Variants in SLC8B1 observed in about 807,000 individuals in gnomAD.
The protein encoded by SLC8B1 is solute carrier family 8 member B1.
SLC8B1 carries 52 observed loss-of-function variants against 63.4 expected under a neutral mutation model. The observed-to-expected ratio is 0.82, with a 90% CI of 0.66 to 1.03. The LOEUF (loss-of-function observed/expected upper bound fraction) is 1.03, where lower values mean the gene tolerates loss of function less well. Ranked by LOEUF, SLC8B1 falls within the 50% of genes least tolerant of loss-of-function variation. SLC8B1 has a pLI of 0.00. For synonymous variants in SLC8B1, 336 were observed against 323.9 expected, an observed-to-expected ratio of 1.04 and a Z score of -0.40; for missense variants, 657 against 741.7, an observed-to-expected ratio of 0.89 and a Z score of 1.33.
intron 8 of SLC8B1, among the ~76,000 whole-genome samples, chr12:113,317,892 TGTG>T (rs1217520526): frequency 1.3e-5 from 2 of 152,214 alleles, no homozygotes; most frequent in Non-Finnish European, 2.9e-5. Context: ...TTGATGTTTT[TGTG>T]TTGTGTATGG....
chr12:113,317,432 C>T (rs182086862), intron 8 of SLC8B1, among the ~76,000 whole-genome samples: 18 of 152,292 alleles, frequency 1.2e-4, no homozygotes, highest in African/African-American at 3.8e-4. Context: ...AGTCTGCATG[C>T]GTGCTCAGGG....
chr12:113,315,592 G>T, intron 10 of SLC8B1, 116 bp from the exon 11 acceptor site: 1 of 1,287,536 alleles, frequency 7.8e-7, no homozygotes, highest in Non-Finnish European at 1.0e-6. Flanking sequence ...CACTGACTGT[G>T]TGCGGGTTCC....
chr12:113,316,951 A>G lies in SLC8B1; in HGVS notation c.853T>C (p.Tyr285His). The change falls in exon 9 of 16, where the codon TAT becomes CAT. Residue 285 changes from tyrosine (Y) to histidine (H), a missense_variant. By Grantham distance (83) the Tyr-to-His change is moderately conservative. Transcript: ENST00000680972. ...CAGGGCACGGACTCACCGTAGTCAT[A>G]GCTGTTGGTATTAGAAGATACCCGG... Reference protein sequence around the residue: ...EDRVSSNTNSYDYGDEYRPLF... With the variant: ...EDRVSSNTNSHDYGDEYRPLF... 1 of 1,613,600 alleles carries G rather than the reference A, an allele frequency of 6.2e-7. No homozygotes were observed.
At chr12:113,333,797 C>T (rs1265065508) in intron 1 of SLC8B1, among the ~76,000 whole-genome samples, 1 of 152,230 alleles carries the variant, frequency 6.6e-6, no homozygotes, top group Non-Finnish European at 1.5e-5. Flanking sequence ...CAACCTCTGC[C>T]TCCCGGGTTC....
At position 113,305,649 on chromosome 12, in the gene SLC8B1, G is replaced by C. The variant is rs1429108936; in HGVS notation, c.1492+846C>G. On this transcript the variant is annotated intron_variant, in intron 14 of 15. Coordinates refer to ENST00000680972, the MANE Select transcript of SLC8B1 (RefSeq NM_001358345.2). The surrounding 1 kb of genome is among the most constrained non-coding windows in gnomAD (Gnocchi z 4.3). ...CCCACTAACTGCTTTTATAAATAAAGTTTTATTGGAACAGAGCCATGGCCA... is the reference window on the plus strand; with the variant it reads ...CCCACTAACTGCTTTTATAAATAAACTTTTATTGGAACAGAGCCATGGCCA... 6.6e-6 allele frequency among the ~76,000 whole-genome samples: 1 copy of C among 152,214 alleles called. No individual in the cohort carries two copies. Among genetic ancestry groups the C allele is most frequent in the African/African-American group, 2.4e-5 (1 of 41,464 alleles).
intron 13 of SLC8B1, 30 bp from the exon 14 acceptor site, chr12:113,306,605 G>A (rs1470167769): frequency 1.3e-6 from 2 of 1,595,122 alleles, no homozygotes; most frequent in Non-Finnish European, 1.7e-6. Flanking sequence ...GCCTGCAGTG[G>A]TGAGTCGCTT....
intron 11 of SLC8B1, 120 bp from the exon 12 acceptor site, chr12:113,310,475 T>C: frequency 1.5e-6 from 2 of 1,319,152 alleles, no homozygotes; most frequent in Non-Finnish European, 1.0e-6. Flanking sequence ...AGACACTTCA[T>C]GGGGGCAGAA....
chr12:113,334,344 G>C (rs1417588861), intron 1 of SLC8B1, 99 bp downstream of exon 1: 1 of 152,100 alleles, frequency 6.6e-6, no homozygotes, highest in African/African-American at 2.4e-5. Context: ...TTAAGTCTGC[G>C]CAGGTGTTTC....
rs1160476406 is a variant in SLC8B1 at position 113,334,799 on chromosome 12, G to C, written c.-439C>G. ...AGCATTTATTGAGCGCCTTCTGTAC[G>C]CGTGGGCCGATGCCCAGCGCTCGGA... On this transcript the variant is annotated 5_prime_UTR_variant, in exon 1 of 16. Transcript: ENST00000680972. 1.3e-5 allele frequency: 2 copies of C among 152,224 alleles called. No homozygotes were observed. The highest frequency in any genetic ancestry group is 2.9e-5 in the Non-Finnish European group (2 of 68,048). The allele number at this position is 152,224 out of a possible 1,614,324, so 9.4% of individuals were successfully genotyped here.
At chr12:113,309,889 T>C (rs1314237293) in intron 12 of SLC8B1, among the ~76,000 whole-genome samples, 1 of 152,098 alleles carries the variant, frequency 6.6e-6, no homozygotes, top group Admixed American at 6.5e-5. Context: ...GAGTGACTTA[T>C]GGGCATGAGG....
At chr12:113,318,936 C>T in intron 8 of SLC8B1, 28 bp downstream of exon 8, 1 of 1,587,468 alleles carries the variant, frequency 6.3e-7, no homozygotes, top group Non-Finnish European at 8.6e-7. Flanking sequence ...CCCACTGGTC[C>T]TCTCTGGGGT....
intron 10 of SLC8B1, among the ~76,000 whole-genome samples, chr12:113,316,149 G>A (rs546368157): frequency 4.0e-4 from 61 of 152,138 alleles, no homozygotes; most frequent in African/African-American, 1.3e-3. Context: ...GCGTGAACCC[G>A]GGAGGTGGAG....
At chr12:113,302,945 T>C (rs1286720312) in intron 15 of SLC8B1, among the ~76,000 whole-genome samples, 1 of 152,146 alleles carries the variant, frequency 6.6e-6, no homozygotes, top group Non-Finnish European at 1.5e-5. Flanking sequence ...TCCATGTTGA[T>C]GTCTCATGCC....
At chr12:113,318,114 GTGT>G (rs1956862840) in intron 8 of SLC8B1, among the ~76,000 whole-genome samples, 1 of 152,146 alleles carries the variant, frequency 6.6e-6, no homozygotes, top group South Asian at 2.1e-4. Flanking sequence ...TTGTATAAGT[GTGT>G]TGTGTATCTG....
At chr12:113,333,670 C>T (rs944437325) in intron 1 of SLC8B1, among the ~76,000 whole-genome samples, 19 of 151,820 alleles carry the variant, frequency 1.3e-4, no homozygotes, top group African/African-American at 4.6e-4. Context: ...CCCACCCCAC[C>T]CTGCACAGCA....
At chr12:113,302,644 G>A (rs1956605273) in intron 15 of SLC8B1, 1 of 455,964 alleles carries the variant, frequency 2.2e-6, no homozygotes, top group African/African-American at 2.0e-5. Flanking sequence ...GGTACCGTGT[G>A]GGCTGTTTCT....
Position 113,316,659 on chromosome 12 carries a change from G to A in SLC8B1, c.863-3C>T, listed in dbSNP as rs1187487704. The A allele has an allele frequency of 1.2e-6, 2 of 1,612,916 alleles. No homozygotes were observed. The highest frequency in any genetic ancestry group is 1.3e-5 in the African/African-American group (1 of 74,902). On this transcript the variant is annotated splice_region_variant and splice_polypyrimidine_tract_variant and intron_variant, in intron 9 of 15. Transcript: ENST00000680972. ...GAACAGCGGCCGGTACTCATCACCTGTGTGCAGGGGTCGGGTGGTGAGGTG... is the reference window on the plus strand; with the variant it reads ...GAACAGCGGCCGGTACTCATCACCTATGTGCAGGGGTCGGGTGGTGAGGTG...
Position 113,320,170 on chromosome 12 carries a change from G to C in SLC8B1, c.694+161C>G. ...GCCTCTTTGGTTATGTGACCCACAT[G>C]TTCCCATTTTTGCTCAAGCCAGCTT... On this transcript the variant is annotated intron_variant, in intron 7 of 15. Transcript: ENST00000680972. This position sits in a 1 kb window ranked among gnomAD's most constrained non-coding sequence, Gnocchi z 5.3. 8.6e-6 allele frequency: 7 copies of C among 811,290 alleles called. No individual in the cohort carries two copies. The highest frequency in any genetic ancestry group is 1.4e-5 in the Non-Finnish European group (7 of 517,306). The allele number at this position is 811,290 out of a possible 1,614,324, so 50.3% of individuals were successfully genotyped here.
intron 8 of SLC8B1, among the ~76,000 whole-genome samples, chr12:113,318,394 ATT>A (rs1242723636): frequency 6.0e-5 from 9 of 150,272 alleles, no homozygotes; most frequent in South Asian, 2.1e-4. Context: ...GTGTGCATGT[ATT>A]TGTGTGTGTG....
Sources: gnomAD v4.1 joint callset for allele counts (sites outside exome capture counted in the v4.1 genomes callset) on GRCh38, gnomAD v4.1.1 for gene constraint, Gnocchi (gnomAD v3.1) non-coding constraint, MANE v1.5 for transcripts, NCBI Gene and HGNC (gene_info 2026-07-23, HGNC 2026-07-21) for gene names.